RADIL: variants seen among roughly 807,000 people sequenced by gnomAD.
RADIL encodes Rap associating with DIL domain.
RADIL carries 99 observed loss-of-function variants against 97.6 expected under a neutral mutation model. The observed-to-expected ratio is 1.01, with a 90% CI of 0.86 to 1.20. RADIL has a LOEUF of 1.20. RADIL is among the 50% of genes most tolerant of loss of function. The pLI is 0.00. For synonymous variants in RADIL, 803 were observed against 691.8 expected (o/e 1.16, Z -2.52); for missense variants, 1,765 against 1,498.9 (o/e 1.18, Z -2.93).
chr7:4,850,662 G>A (rs1302577403), intron 2 of RADIL, among the ~76,000 whole-genome samples: 1 of 152,156 alleles, frequency 6.6e-6, no homozygotes. Flanking sequence ...GCCAGAGAGA[G>A]ACAAGGGGAG....
At chr7:4,875,780 G>A (rs1784363237) in intron 2 of RADIL, among the ~76,000 whole-genome samples, 1 of 152,124 alleles carries the variant, frequency 6.6e-6, no homozygotes. Context: ...CCTCACAGGA[G>A]GTCTTTTTGA....
At chr7:4,809,575 C>G in intron 9 of RADIL, 1 of 985,484 alleles carries the variant, frequency 1.0e-6, no homozygotes, top group Non-Finnish European at 1.2e-6. Flanking sequence ...CAGGTCCCGC[C>G]CCACTTCCAG....
At position 4,835,563 on chromosome 7, in the gene RADIL, T is replaced by A. The variant is rs953652387; in HGVS notation, c.784-324A>T. ...TCTACAGACCGGGCCAAGGACTACA[T>A]AACTTCCCCCAAGTCATCCCCAAAA... is the stretch of plus-strand genomic sequence containing the variant. On this transcript the variant is annotated intron_variant, in intron 3 of 14. Coordinates refer to ENST00000399583, the MANE Select transcript of RADIL (RefSeq NM_018059.5). The surrounding 1 kb of genome is among the most constrained non-coding windows in gnomAD (Gnocchi z 5.8). Among the ~76,000 whole-genome samples, 1 of 151,882 alleles carries A rather than the reference T, an allele frequency of 6.6e-6. No homozygotes were observed. Among genetic ancestry groups the A allele is most frequent in the Non-Finnish European group, 1.5e-5 (1 of 68,000 alleles).
intron 2 of RADIL, chr7:4,861,869 G>C (rs905969187): frequency 2.1e-5 from 11 of 533,504 alleles, no homozygotes; most frequent in Admixed American, 6.9e-5. Flanking sequence ...CGCGGCCGCC[G>C]CCCGGGTCAT....
chr7:4,809,884 G>A (rs554106904), intron 9 of RADIL, among the ~76,000 whole-genome samples: 2 of 152,114 alleles, frequency 1.3e-5, no homozygotes, highest in South Asian at 4.2e-4. Context: ...ACAGCGTCTT[G>A]CTCTGTCACC....
rs781558801 is a variant in RADIL, at chr7:4,799,461, C to T, written c.3145G>A (p.Gly1049Ser). 8 of 1,613,876 alleles carry T rather than the reference C, an allele frequency of 5.0e-6. No homozygotes were observed. The highest frequency in any genetic ancestry group is 6.8e-6 in the Non-Finnish European group (8 of 1,180,002). The change falls in exon 15 of 15, where the codon GGC (glycine) becomes AGC (serine). Residue 1049 changes from glycine to serine, a missense_variant. Gly to Ser is a moderately conservative substitution (Grantham distance 56). Transcript: ENST00000399583. ...ACCAGGAACCGCATCTTCTTCCCGC[C>T]ATGACGGATCAGGTCCACAGCTCTG... is the stretch of plus-strand genomic sequence containing the variant. Reference protein sequence around the residue: ...YLRAVDLIRHGGKKMRFLVAK... With the variant: ...YLRAVDLIRHSGKKMRFLVAK...
chr7:4,811,957 C>G (rs1250550245), intron 9 of RADIL, among the ~76,000 whole-genome samples: 4 of 152,030 alleles, frequency 2.6e-5, no homozygotes, highest in Non-Finnish European at 4.4e-5. Context: ...TCACTGAAAC[C>G]TCAGTCTCCT....
In RADIL at chr7:4,818,265, C is replaced by T. The variant is rs1193381785; in HGVS notation, c.1616-914G>A. 1.3e-5 allele frequency among the ~76,000 whole-genome samples: 2 copies of T among 152,312 alleles called. No homozygotes were observed. The highest frequency in any genetic ancestry group is 2.1e-4 in the South Asian group (1 of 4,828). ...TGAGCCAGGCCAACACTCACCCCAGCGCGGGCCTCCCAGGAGCACAGGCCC... is the reference window on the plus strand; with the variant it reads ...TGAGCCAGGCCAACACTCACCCCAGTGCGGGCCTCCCAGGAGCACAGGCCC... On this transcript the variant is annotated intron_variant, in intron 6 of 14. Coordinates refer to ENST00000399583, the MANE Select transcript of RADIL (RefSeq NM_018059.5). The surrounding 1 kb of genome is among the most constrained non-coding windows in gnomAD (Gnocchi z 7.1).
In RADIL at chr7:4,842,560, C is replaced by T. The variant is rs543469506; in HGVS notation, c.536-5955G>A. Among the ~76,000 whole-genome samples, 2 of 152,260 alleles carry T rather than the reference C, an allele frequency of 1.3e-5. No homozygotes were observed. The highest frequency in any genetic ancestry group is 4.8e-5 in the African/African-American group (2 of 41,562). On this transcript the variant is annotated intron_variant, in intron 2 of 14. Coordinates refer to ENST00000399583, the MANE Select transcript of RADIL (RefSeq NM_018059.5). The surrounding 1 kb of genome is among the most constrained non-coding windows in gnomAD (Gnocchi z 4.5). ...AACTGGACAAGCAGCTGGTGACCGT[C>T]ACCAGCTCCCACGGACTCTGAACAG... is the stretch of plus-strand genomic sequence containing the variant.
chr7:4,799,684 C>G lies in RADIL; in HGVS notation c.3068G>C (p.Gly1023Ala), dbSNP rs765520529. The stretch of plus-strand genomic sequence containing the variant: ...GCCATTCACCTCCAGGATACGGTCC[C>G]CCAGCGACAGGCGCCCGTCGGCCGC... ...PAAADGRLSL[G>A]DRILEVNGSS... is the part of the protein sequence containing the mutation. Residue 1023 changes from glycine (G) to alanine (A), a missense_variant, in exon 14 of 15, where the codon GGG becomes GCG. Coordinates refer to ENST00000399583, the MANE Select transcript of RADIL (RefSeq NM_018059.5). The G allele has an allele frequency of 6.3e-7, 1 of 1,589,536 alleles. No homozygotes were observed. Among genetic ancestry groups the G allele is most frequent in the East Asian group, 2.3e-5 (1 of 43,864 alleles).
chr7:4,855,785 T>C (rs867047291), intron 2 of RADIL, among the ~76,000 whole-genome samples: 42 of 152,014 alleles, frequency 2.8e-4, no homozygotes, highest in African/African-American at 9.9e-4. Flanking sequence ...TAAACTGGGT[T>C]GTTGGGGATT....
chr7:4,864,966 T>C (rs575817728), intron 2 of RADIL, among the ~76,000 whole-genome samples: 1 of 152,332 alleles, frequency 6.6e-6, no homozygotes, highest in African/African-American at 2.4e-5. Context: ...TTTCCCCAAC[T>C]ATCTGTCTAG....
At chr7:4,811,685 C>T (rs975948862) in intron 9 of RADIL, among the ~76,000 whole-genome samples, 27 of 151,638 alleles carry the variant, frequency 1.8e-4, no homozygotes, top group Non-Finnish European at 2.6e-4. Flanking sequence ...GATGGGGTTT[C>T]ACCTTGTTAG....
chr7:4,802,530 G>C (rs1217879509), intron 11 of RADIL, among the ~76,000 whole-genome samples: 2 of 131,332 alleles, frequency 1.5e-5, no homozygotes, highest in Non-Finnish European at 3.1e-5. Context: ...CCCCTCTCTG[G>C]GCACCTCAGG....
rs1338413884 is a variant in RADIL, at chr7:4,834,252, G to A, written c.1416+355C>T. On this transcript the variant is annotated intron_variant, in intron 4 of 14. Transcript: ENST00000399583. This position sits in a 1 kb window ranked among gnomAD's most constrained non-coding sequence, Gnocchi z 6.0. ...CTGTGAGAGCTATCAATGTCACCTC[G>A]GCCTCGTGGTGCCCAGGCTCAGGGG... Among the ~76,000 whole-genome samples, 1 of 152,084 alleles carries A rather than the reference G, an allele frequency of 6.6e-6. No homozygotes were observed. The highest frequency in any genetic ancestry group is 1.5e-5 in the Non-Finnish European group (1 of 68,006).
In RADIL at chr7:4,834,505, G is replaced by T; in HGVS notation, c.1416+102C>A. Reference sequence around the variant, plus strand: ...GCGCTCAGCAGCACAGCACCGTGGGGGTCAGATAGAGGCGCTCCCGCCTCC... The same window carrying T: ...GCGCTCAGCAGCACAGCACCGTGGGTGTCAGATAGAGGCGCTCCCGCCTCC... On this transcript the variant is annotated intron_variant, in intron 4 of 14. Transcript: ENST00000399583. This position sits in a 1 kb window ranked among gnomAD's most constrained non-coding sequence, Gnocchi z 6.0. 1 of 1,207,794 alleles carries T rather than the reference G, an allele frequency of 8.3e-7. No individual in the cohort carries two copies. The highest frequency in any genetic ancestry group is 1.0e-6 in the Non-Finnish European group (1 of 962,472). 74.8% of individuals were successfully genotyped at this position (1,207,794 alleles called of 1,614,324 possible).
rs781416355 is a variant in RADIL at position 4,835,087 on chromosome 7, C to G, written c.936G>C (p.Ala312=). The G allele has an allele frequency of 1.9e-6, 3 of 1,607,482 alleles. No homozygotes were observed. Among genetic ancestry groups the G allele is most frequent in the Admixed American group, 1.7e-5 (1 of 59,242 alleles). ...RQPLPDSGQA[A]GRLVLEPIPG... ...GGATGGGCTCCAGGACCAGCCTCCCCGCGGCCTGGCCGCTGTCCGGGAGCG... is the reference window on the plus strand; with the variant it reads ...GGATGGGCTCCAGGACCAGCCTCCCGGCGGCCTGGCCGCTGTCCGGGAGCG... The change falls in exon 4 of 15, where the codon GCG becomes GCC. Residue 312 remains alanine (A), a synonymous_variant. Transcript: ENST00000399583. This position sits in a 1 kb window ranked among gnomAD's most constrained non-coding sequence, Gnocchi z 5.8.
intron 2 of RADIL, chr7:4,861,892 C>T (rs1784017984): frequency 1.9e-6 from 2 of 1,029,480 alleles, no homozygotes; most frequent in African/African-American, 1.7e-5. Context: ...TCCGCTGAGG[C>T]GGAAGGGCAG....
In RADIL at chr7:4,835,619, G is replaced by A. The variant is rs980298633; in HGVS notation, c.784-380C>T. Among the ~76,000 whole-genome samples, 3 of 151,944 alleles carry A rather than the reference G, an allele frequency of 2.0e-5. No individual in the cohort carries two copies. In the East Asian group the frequency reaches 5.9e-4, roughly 30 times the overall value. On this transcript the variant is annotated intron_variant, in intron 3 of 14. Transcript: ENST00000399583. The surrounding 1 kb of genome is among the most constrained non-coding windows in gnomAD (Gnocchi z 5.8). ...TGGGAGCACTGCCGCCTGTGTGGGA[G>A]CACCACCCCCAGTGTGGGAGCACTG...
Sources: gnomAD v4.1 joint callset for allele counts (sites outside exome capture counted in the v4.1 genomes callset) on GRCh38, gnomAD v4.1.1 for gene constraint, Gnocchi (gnomAD v3.1) non-coding constraint, MANE v1.5 for transcripts, NCBI Gene and HGNC (gene_info 2026-07-23, HGNC 2026-07-21) for gene names.